NAV1: variants seen among roughly 807,000 people sequenced by gnomAD.
NAV1 encodes pore membrane and/or filament interacting like protein 3.
NAV1 carries 18 observed loss-of-function variants against 175.2 expected under a neutral mutation model. The observed-to-expected ratio is 0.10, with a 90% CI of 0.07 to 0.15. NAV1 has a LOEUF of 0.15. NAV1 is among the 10% of genes least tolerant of loss of function. The probability of loss-of-function intolerance (pLI) is 1.00; values close to 1 mark genes in which losing one functional copy is unlikely to be tolerated. For missense variants in NAV1, 1,731 were observed against 2,436.6 expected (o/e 0.71, Z 6.10); for synonymous variants, 897 against 978.7 (o/e 0.92, Z 1.56).
chr1:201,652,020 C>T (rs1351120965), intron 1 of NAV1, among the ~76,000 whole-genome samples: 2 of 152,010 alleles, frequency 1.3e-5, no homozygotes, highest in African/African-American at 4.8e-5. Flanking sequence ...AGAGGAACTA[C>T]AGAGGGAATT....
At chr1:201,770,996 T>C (rs1421929327) in intron 3 of NAV1, among the ~76,000 whole-genome samples, 3 of 151,988 alleles carry the variant, frequency 2.0e-5, no homozygotes, top group Non-Finnish European at 2.9e-5. Context: ...AAATCCTTCA[T>C]TGAATGCACA....
chr1:201,684,490 T>TC (rs1670595703), intron 1 of NAV1, among the ~76,000 whole-genome samples: 2 of 151,080 alleles, frequency 1.3e-5, no homozygotes, highest in African/African-American at 4.9e-5. Flanking sequence ...TTTTTTTTTT[T>TC]TTAGACAGAG....
At chr1:201,665,581 G>GAGCCATAGGTGGGCAGAT (rs373539469) in intron 1 of NAV1, among the ~76,000 whole-genome samples, 41,621 of 141,096 alleles carry the variant, frequency 0.29, 5,930 homozygotes, top group Admixed American at 0.38. Context: ...GTGAGGGCAA[G>GAGCCATAGGTGGGCAGAT]AGCACCCCAC....
chr1:201,552,355 T>C (rs1322412224), intron 1 of NAV1, among the ~76,000 whole-genome samples: 1 of 151,852 alleles, frequency 6.6e-6, no homozygotes, highest in Non-Finnish European at 1.5e-5. Context: ...GTGGCGGGGT[T>C]GGGGGTAAGG....
rs560296528 is a variant in NAV1 at position 201,555,876 on chromosome 1, C to T, written c.-144+16534C>T. 4.1e-3 allele frequency among the ~76,000 whole-genome samples: 302 copies of T among 72,890 alleles called. 1 individual carries two copies. The highest frequency in any genetic ancestry group is 0.011 in the Middle Eastern group (1 of 88). The allele number at this position is 72,890 out of a possible 152,430, so 47.8% of individuals were successfully genotyped here. On this transcript the variant is annotated intron_variant, in intron 1 of 33. Coordinates refer to the NAV1 transcript ENST00000685211. The stretch of plus-strand genomic sequence containing the variant: ...GTGAAGGGAGATGGGGGGCGGGGGG[C>T]GGGGCAGATTTAATAACAGCTTCTG...
chr1:201,734,030 C>T (rs748573803), intron 3 of NAV1, among the ~76,000 whole-genome samples: 1 of 152,148 alleles, frequency 6.6e-6, no homozygotes, highest in Non-Finnish European at 1.5e-5. Flanking sequence ...GGAAGGGAGA[C>T]TGCTGCAGTT....
intron 17 of NAV1, among the ~76,000 whole-genome samples, chr1:201,806,207 A>G (rs888119195): frequency 2.2e-4 from 33 of 151,786 alleles, no homozygotes; most frequent in African/African-American, 7.8e-4. Flanking sequence ...CTAGTCTCAA[A>G]CTCCTGACCT....
chr1:201,649,347 G>C (rs1350152222), exon 1 of NAV1: 5 of 1,610,056 alleles, frequency 3.1e-6, no homozygotes, highest in Non-Finnish European at 4.2e-6. Context: ...GGAGGAGCGC[G>C]CCTTCCTCAA....
intron 2 of NAV1, among the ~76,000 whole-genome samples, chr1:201,634,753 A>C (rs1668567694): frequency 6.6e-6 from 1 of 152,210 alleles, no homozygotes; most frequent in African/African-American, 2.4e-5. Flanking sequence ...CAAGAATAGC[A>C]GAAGCTGGTC....
chr1:201,680,169 G>A (rs908608464), intron 1 of NAV1, among the ~76,000 whole-genome samples: 28 of 152,238 alleles, frequency 1.8e-4, no homozygotes, highest in Admixed American at 4.6e-4. Flanking sequence ...AACGGGGAGC[G>A]GGTGTGTCAC....
intron 9 of NAV1, among the ~76,000 whole-genome samples, 162 bp downstream of exon 13, chr1:201,786,739 G>A (rs1425854594): frequency 6.6e-6 from 1 of 152,202 alleles, no homozygotes; most frequent in Non-Finnish European, 1.5e-5. Flanking sequence ...AAGATTGAAG[G>A]TAGAGTACTT....
At chr1:201,668,758 G>A (rs1413050586) in intron 1 of NAV1, among the ~76,000 whole-genome samples, 1 of 152,148 alleles carries the variant, frequency 6.6e-6, no homozygotes, top group Non-Finnish European at 1.5e-5. Flanking sequence ...CTGCCTGCCT[G>A]TTCCAGACCC....
At chr1:201,655,147 G>A (rs986375313) in intron 1 of NAV1, among the ~76,000 whole-genome samples, 8 of 152,128 alleles carry the variant, frequency 5.3e-5, no homozygotes, top group African/African-American at 1.9e-4. Context: ...GCCCAGTGGA[G>A]TCCAGCTCTC....
intron 2 of NAV1, among the ~76,000 whole-genome samples, chr1:201,609,691 G>A (rs1667791792): frequency 6.6e-6 from 1 of 152,304 alleles, no homozygotes; most frequent in East Asian, 1.9e-4. Flanking sequence ...GGTCTTCACA[G>A]GCTCAAGTTT....
Position 201,740,007 on chromosome 1 carries a change from CG to C in NAV1, c.1226+21253del, listed in dbSNP as rs1250285169. The C allele has an allele frequency of 2.7e-6, 4 of 1,470,148 alleles. No homozygotes were observed. The highest frequency in any genetic ancestry group is 2.6e-5 in the Admixed American group (1 of 38,526). The allele number at this position is 1,470,148 out of a possible 1,614,324, so 91.1% of individuals were successfully genotyped here. A position where few individuals can be genotyped will look rare whatever the true frequency, so the allele number is the denominator to read the frequency against. On this transcript the variant is annotated intron_variant, in intron 3 of 29. Transcript: ENST00000367296. This position sits in a 1 kb window ranked among gnomAD's most constrained non-coding sequence, Gnocchi z 4.7. ...GCTGGGTGCCCACCCGGTGAATGGCCGCCTGAGCCGGGGAAGATGCTTCATC... is the reference window on the plus strand; with the variant it reads ...GCTGGGTGCCCACCCGGTGAATGGCCCCTGAGCCGGGGAAGATGCTTCATC...
intron 1 of NAV1, among the ~76,000 whole-genome samples, chr1:201,690,829 T>C (rs1269080198): frequency 6.6e-6 from 1 of 152,188 alleles, no homozygotes; most frequent in African/African-American, 2.4e-5. Flanking sequence ...GGTCAGCAGG[T>C]CTTTGCTTTC....
At chr1:201,599,285 CT>C (rs1395956444) in intron 2 of NAV1, among the ~76,000 whole-genome samples, 1 of 152,192 alleles carries the variant, frequency 6.6e-6, no homozygotes, top group Non-Finnish European at 1.5e-5. Flanking sequence ...GGAGGACTTC[CT>C]TTTGCAGGGC....
intron 1 of NAV1, among the ~76,000 whole-genome samples, chr1:201,680,715 A>G (rs754147815): frequency 4.0e-5 from 6 of 148,616 alleles, no homozygotes; most frequent in Non-Finnish European, 7.5e-5. Flanking sequence ...GCCAAACCAT[A>G]TCACTATGTT....
chr1:201,790,850 G>A lies in NAV1; in HGVS notation c.3321+84G>A, dbSNP rs993748975. On this transcript the variant is annotated intron_variant, in intron 13 of 29. Coordinates refer to ENST00000367296, the Ensembl canonical transcript of NAV1. ...TTCAGCCAAGGGAGGAAAACTACCTGGTAAGGTATCCCCTGGACTGAGACG... is the reference window on the plus strand; with the variant it reads ...TTCAGCCAAGGGAGGAAAACTACCTAGTAAGGTATCCCCTGGACTGAGACG... The A allele has an allele frequency of 8.1e-6, 11 of 1,353,712 alleles. No individual in the cohort carries two copies. The South Asian group carries it at 1.1e-4, about 13-fold the overall frequency. The allele number at this position is 1,353,712 out of a possible 1,614,324, so 83.9% of individuals were successfully genotyped here.
Sources: allele counts gnomAD v4.1 joint callset (sites outside exome capture counted in the v4.1 genomes callset), GRCh38; gene constraint gnomAD v4.1.1; non-coding constraint Gnocchi (gnomAD v3.1); transcripts MANE v1.5; gene names NCBI Gene and HGNC (gene_info 2026-07-23, HGNC 2026-07-21).